The following PDE8B variants were observed in gnomAD, a reference collection of about 807,000 sequenced individuals.
The protein encoded by PDE8B is phosphodiesterase 8B.
Under a neutral mutation model 101.3 loss-of-function variants are expected in PDE8B, and 26 were observed. The observed-to-expected ratio is 0.26, with a 90% confidence interval of 0.19 to 0.36. The LOEUF (loss-of-function observed/expected upper bound fraction) is 0.36, where lower values mean the gene tolerates loss of function less well. Among genes scored for constraint, PDE8B ranks in the 10% least tolerant of loss-of-function variants. PDE8B has a pLI of 1.00. For synonymous variants in PDE8B, 424 were observed against 429.3 expected (o/e 0.99, Z 0.15); for missense variants, 810 against 1,163.1 (o/e 0.70, Z 4.42).
chr5:77,279,843 G>A (rs946755372), intron 1 of PDE8B, among the ~76,000 whole-genome samples: 1 of 152,206 alleles, frequency 6.6e-6, no homozygotes, highest in African/African-American at 2.4e-5. Context: ...GACAATCTCA[G>A]TCTCATGGGG....
chr5:77,186,843 C>T, the PDE8B span, among the ~76,000 whole-genome samples: 62 of 152,232 alleles, frequency 4.1e-4, no homozygotes, highest in Non-Finnish European at 7.9e-4. Context: ...TGGGTAGTTG[C>T]TGGGCCTTCC....
chr5:77,344,633 T>G (rs1370605352), intron 6 of PDE8B, among the ~76,000 whole-genome samples: 1 of 152,190 alleles, frequency 6.6e-6, no homozygotes, highest in Non-Finnish European at 1.5e-5. Context: ...GAAGCCCCAC[T>G]GACTTAGCCA....
chr5:77,097,617 A>G, the PDE8B span, among the ~76,000 whole-genome samples: 3 of 133,382 alleles, frequency 2.2e-5, no homozygotes, highest in African/African-American at 5.3e-5. Context: ...CATCCTCCAA[A>G]TATCACTTTA....
rs780790050 is a variant in PDE8B, at chr5:77,229,832, C to T, written c.339+18568C>T. 3.0e-4 allele frequency among the ~76,000 whole-genome samples: 45 copies of T among 152,308 alleles called. 1 individual carries two copies. The highest frequency in any genetic ancestry group is 3.4e-3 in the Middle Eastern group (1 of 294). On this transcript the variant is annotated intron_variant, in intron 1 of 21. Transcript: ENST00000264917. ...ATGGATATACTACATTTTGTTTATC[C>T]ATTCATCTATTGACGGACATTGGGT...
At chr5:77,350,745 T>A (rs1780952000) in intron 8 of PDE8B, among the ~76,000 whole-genome samples, 1 of 152,224 alleles carries the variant, frequency 6.6e-6, no homozygotes, top group Non-Finnish European at 1.5e-5. Flanking sequence ...CACAGATTGC[T>A]GTGAAGATTT....
intron 10 of PDE8B, among the ~76,000 whole-genome samples, chr5:77,378,048 A>ACACCC (rs1347483439): frequency 1.1e-5 from 1 of 93,848 alleles, no homozygotes; most frequent in East Asian, 2.7e-4. Context: ...ACACACACAC[A>ACACCC]CCCCCTGTTG....
chr5:77,245,692 G>A (rs1756718564), intron 1 of PDE8B, among the ~76,000 whole-genome samples: 1 of 152,194 alleles, frequency 6.6e-6, no homozygotes, highest in Non-Finnish European at 1.5e-5. Context: ...GCAGCCCCGT[G>A]AGATAGATAT....
At chr5:77,182,719 G>A in the PDE8B span, among the ~76,000 whole-genome samples, 1 of 150,844 alleles carries the variant, frequency 6.6e-6, no homozygotes, top group African/African-American at 2.4e-5. Context: ...TTAAATATTG[G>A]ATGCCTAATT....
intron 1 of PDE8B, among the ~76,000 whole-genome samples, chr5:77,216,440 T>C (rs1298314615): frequency 6.6e-6 from 1 of 152,008 alleles, no homozygotes; most frequent in Non-Finnish European, 1.5e-5. Flanking sequence ...GCAAAAGAGG[T>C]TACCCTTATA....
chr5:77,416,436 G>A (rs1795574794), intron 17 of PDE8B, among the ~76,000 whole-genome samples: 1 of 152,190 alleles, frequency 6.6e-6, no homozygotes, highest in Non-Finnish European at 1.5e-5. Context: ...CCTGGGTCCT[G>A]AGCTTGGAGA....
At chr5:77,217,753 T>C (rs1187709515) in intron 1 of PDE8B, among the ~76,000 whole-genome samples, 1 of 152,124 alleles carries the variant, frequency 6.6e-6, no homozygotes, top group Non-Finnish European at 1.5e-5. Context: ...CCCAGGCTGG[T>C]CTCAAACTCC....
the PDE8B span, among the ~76,000 whole-genome samples, chr5:77,192,835 T>C: frequency 6.6e-6 from 1 of 152,222 alleles, no homozygotes; most frequent in African/African-American, 2.4e-5. Context: ...TATATCTTGC[T>C]AACACTTGGT....
intron 2 of PDE8B, among the ~76,000 whole-genome samples, chr5:77,313,251 AG>A (rs1269004809): frequency 1.3e-5 from 2 of 152,082 alleles, no homozygotes; most frequent in African/African-American, 4.8e-5. Flanking sequence ...AAAAGAAAAT[AG>A]TGTTTTATAG....
rs1358748248 is a variant in PDE8B, at chr5:77,425,967, G to T, written c.2548+71G>T. 14 of 1,455,468 alleles carry T rather than the reference G, an allele frequency of 9.6e-6. No individual in the cohort carries two copies. The Admixed American group carries it at 2.2e-4, about 23-fold the overall frequency. 90.2% of individuals were successfully genotyped at this position (1,455,468 alleles called of 1,614,324 possible). On this transcript the variant is annotated intron_variant, in intron 21 of 21. Coordinates refer to ENST00000264917, the MANE Select transcript of PDE8B (RefSeq NM_003719.5). ...TACGAATATTATCTTTAGTGACACA[G>T]GGTGAGCCTAAAGGTAAACAAAATA... is the stretch of plus-strand genomic sequence containing the variant.
the PDE8B span, among the ~76,000 whole-genome samples, chr5:77,192,196 C>G: frequency 2.0e-5 from 3 of 152,130 alleles, no homozygotes; most frequent in Admixed American, 6.5e-5. Context: ...GTTGGGGACT[C>G]CTATTTTAAA....
the PDE8B span, among the ~76,000 whole-genome samples, chr5:77,197,338 A>G: frequency 6.6e-6 from 1 of 151,696 alleles, no homozygotes; most frequent in Non-Finnish European, 1.5e-5. Context: ...GCTGGTCTTG[A>G]ACTCCTGACC....
At chr5:77,350,309 A>G (rs1780856357) in intron 8 of PDE8B, among the ~76,000 whole-genome samples, 1 of 152,218 alleles carries the variant, frequency 6.6e-6, no homozygotes. Flanking sequence ...TGTTTTTTTA[A>G]TTGAGGCAAT....
chr5:77,179,992 G>C, the PDE8B span, among the ~76,000 whole-genome samples: 9 of 152,342 alleles, frequency 5.9e-5, no homozygotes, highest in Admixed American at 4.6e-4. Context: ...ATATGATTGT[G>C]AGTTGAGGGC....
intron 4 of PDE8B, among the ~76,000 whole-genome samples, chr5:77,331,130 A>G (rs965968037): frequency 3.9e-5 from 6 of 152,210 alleles, no homozygotes; most frequent in Non-Finnish European, 7.3e-5. Context: ...CCCAAAGGGC[A>G]GCTGAGTTGG....
Sources: gnomAD v4.1 joint callset for allele counts (sites outside exome capture counted in the v4.1 genomes callset) on GRCh38, gnomAD v4.1.1 for gene constraint, MANE v1.5 for transcripts, NCBI Gene and HGNC (gene_info 2026-07-23, HGNC 2026-07-21) for gene names.